Variants in PCMTD2 observed in about 807,000 individuals in gnomAD.
The protein encoded by PCMTD2 is protein-L-isoaspartate (D-aspartate) O-methyltransferase domain containing 2, also known as protein-L-isoaspartate O-methyltransferase domain-containing protein 2.
Under a neutral mutation model 33.4 loss-of-function variants are expected in PCMTD2, and 16 were observed. That is an observed-to-expected ratio of 0.48 (90% CI 0.32 to 0.73). The LOEUF is 0.73. Ranked by LOEUF, PCMTD2 falls within the 30% of genes least tolerant of loss-of-function variation. The pLI, the probability that PCMTD2 is intolerant of heterozygous loss-of-function variation, is 0.03. For synonymous variants in PCMTD2, 161 were observed against 160.8 expected, an observed-to-expected ratio of 1.00 and a Z score of -0.01; for missense variants, 374 against 449.9, an observed-to-expected ratio of 0.83 and a Z score of 1.53.
chr20:64,272,681 G>A (rs531410721), intron 5 of PCMTD2, among the ~76,000 whole-genome samples: 4 of 152,186 alleles, frequency 2.6e-5, no homozygotes, highest in Admixed American at 6.5e-5. Flanking sequence ...TTAGCTGGGC[G>A]TGGTGGCGCA....
At chr20:64,256,878 C>T (rs1433863858) in intron 1 of PCMTD2, 1 of 152,160 alleles carries the variant, frequency 6.6e-6, no homozygotes, top group Non-Finnish European at 1.5e-5. Context: ...TTTGTTAGGC[C>T]CATTAATAGT....
In PCMTD2 at chr20:64,258,586, C is replaced by T. The variant is rs567450121; in HGVS notation, c.-24-1356C>T. Among the ~76,000 whole-genome samples, 14 of 152,322 alleles carry T rather than the reference C, an allele frequency of 9.2e-5. No individual in the cohort carries two copies. The East Asian group carries it at 1.9e-3, about 21-fold the overall frequency. On this transcript the variant is annotated intron_variant, in intron 1 of 5. Coordinates refer to ENST00000308824, the MANE Select transcript of PCMTD2 (RefSeq NM_018257.3). ...TTTCATTCCTGGGAAAACCTCCCAC[C>T]GCTGTCTCCAGTTGTGTACGTGGGT... is the stretch of plus-strand genomic sequence containing the variant.
At chr20:64,263,626 T>C (rs1985525003) in intron 2 of PCMTD2, among the ~76,000 whole-genome samples, 1 of 152,186 alleles carries the variant, frequency 6.6e-6, no homozygotes, top group South Asian at 2.1e-4. Flanking sequence ...TGGTGGACTT[T>C]TACATATGCA....
chr20:64,274,139 A>G lies in PCMTD2; in HGVS notation c.*539A>G, dbSNP rs1986023389. 1 of 152,286 alleles carries G rather than the reference A, an allele frequency of 6.6e-6. No homozygotes were observed. The highest frequency in any genetic ancestry group is 2.4e-5 in the African/African-American group (1 of 41,456). The allele number at this position is 152,286 out of a possible 1,614,324, so 9.4% of individuals were successfully genotyped here. ...GTATCACTGAATTTCTTAGTTTTCTAGTGGGGAAACATTATTGAGAAGCCC... is the reference window on the plus strand; with the variant it reads ...GTATCACTGAATTTCTTAGTTTTCTGGTGGGGAAACATTATTGAGAAGCCC... On this transcript the variant is annotated 3_prime_UTR_variant, in exon 6 of 6. Coordinates refer to ENST00000308824, the MANE Select transcript of PCMTD2 (RefSeq NM_018257.3).
intron 1 of PCMTD2, chr20:64,256,745 A>ACCT (rs766732144): frequency 1.3e-5 from 2 of 152,170 alleles, no homozygotes; most frequent in African/African-American, 2.4e-5. Flanking sequence ...CCCAGCTCGT[A>ACCT]CCTCCAGTGG....
intron 4 of PCMTD2, among the ~76,000 whole-genome samples, chr20:64,266,320 C>T (rs930791043): frequency 8.5e-5 from 13 of 152,104 alleles, no homozygotes; most frequent in Non-Finnish European, 1.9e-4. Context: ...TGCAGTGGCG[C>T]GATCTCAGCT....
rs1458136270 is a variant in PCMTD2, at chr20:64,273,427, C to G, written c.913C>G (p.Pro305Ala). The G allele has an allele frequency of 1.2e-6, 2 of 1,614,022 alleles. No individual in the cohort carries two copies. The highest frequency in any genetic ancestry group is 2.7e-5 in the African/African-American group (2 of 75,014). Residue 305 changes from proline (P) to alanine (A), a missense_variant, in exon 6 of 6, where the codon CCC (proline) becomes GCC (alanine). Pro to Ala is a conservative substitution (Grantham distance 27). Coordinates refer to ENST00000308824, the MANE Select transcript of PCMTD2 (RefSeq NM_018257.3). ...KEVFASRISN[P>A]SDDNSCEDLE... Reference sequence around the variant, plus strand: ...AGTCTTTGCCAGTCGGATTTCCAACCCCTCAGATGACAACAGCTGTGAAGA... The same window carrying G: ...AGTCTTTGCCAGTCGGATTTCCAACGCCTCAGATGACAACAGCTGTGAAGA...
chr20:64,268,723 T>C (rs1985760992), intron 5 of PCMTD2, among the ~76,000 whole-genome samples: 1 of 118,694 alleles, frequency 8.4e-6, no homozygotes, highest in South Asian at 2.9e-4. Context: ...TGCATAGTCT[T>C]ACAAAAAAAA....
intron 4 of PCMTD2, among the ~76,000 whole-genome samples, chr20:64,266,999 C>A (rs536761778): frequency 6.6e-6 from 1 of 152,090 alleles, no homozygotes; most frequent in Non-Finnish European, 1.5e-5. Flanking sequence ...TAGTACGTGG[C>A]GACTTAATCC....
chr20:64,261,878 G>C (rs1200859170), intron 2 of PCMTD2, among the ~76,000 whole-genome samples: 1 of 152,190 alleles, frequency 6.6e-6, no homozygotes, highest in Non-Finnish European at 1.5e-5. Flanking sequence ...TAGAACCTTG[G>C]GGAGAAATAG....
In PCMTD2 at chr20:64,260,126, T is replaced by G. The variant is rs1470386062; in HGVS notation, c.161T>G (p.Leu54Trp). The G allele has an allele frequency of 2.5e-6, 4 of 1,613,956 alleles. No homozygotes were observed. Among genetic ancestry groups the G allele is most frequent in the Non-Finnish European group, 3.4e-6 (4 of 1,179,816 alleles). ...EEFKENAYKD[L>W]AWKHGNIHLS... is the part of the protein sequence containing the mutation. ...TTTAAAGAAAATGCTTATAAAGACT[T>G]GGCATGGAAGCATGGAAACATTCAC... Residue 54 changes from leucine to tryptophan, a missense_variant, in exon 2 of 6, where the codon TTG becomes TGG. By Grantham distance (61) the Leu-to-Trp change is moderately conservative. Transcript: ENST00000308824.
chr20:64,273,633 C>T lies in PCMTD2; in HGVS notation c.*33C>T. ...GTTTGAAAGGGGGAAATAGGAAGAG[C>T]AGATTGCTGAGTGTGAAGTTCGTGC... On this transcript the variant is annotated 3_prime_UTR_variant, in exon 6 of 6. Transcript: ENST00000308824. 3 of 1,507,124 alleles carry T rather than the reference C, an allele frequency of 2.0e-6. No individual in the cohort carries two copies. The highest frequency in any genetic ancestry group is 2.7e-6 in the Non-Finnish European group (3 of 1,130,374). The allele number at this position is 1,507,124 out of a possible 1,614,324, so 93.4% of individuals were successfully genotyped here. A position where few individuals can be genotyped will look rare whatever the true frequency, so the allele number is the denominator to read the frequency against.
chr20:64,273,490 C>A lies in PCMTD2; in HGVS notation c.976C>A (p.Pro326Thr), dbSNP rs1473219435. The change falls in exon 6 of 6, where the codon CCG (proline) becomes ACG (threonine). Residue 326 changes from proline to threonine, a missense_variant. Physicochemically the swap from Pro to Thr is conservative, Grantham distance 38. Transcript: ENST00000308824. ...ACGGAGGGAAGAAGAAGAGAAGACC[C>A]CGCCGGAAACAAAGCCAGACCCCCC... ...EERREEEEKT[P>T]PETKPDPPVN... 5 of 1,609,968 alleles carry A rather than the reference C, an allele frequency of 3.1e-6. No individual in the cohort carries two copies. Among genetic ancestry groups the A allele is most frequent in the South Asian group, 1.1e-5 (1 of 90,388 alleles).
intron 5 of PCMTD2, among the ~76,000 whole-genome samples, chr20:64,270,225 CAT>C (rs1306065872): frequency 9.7e-6 from 1 of 102,944 alleles, no homozygotes; most frequent in Non-Finnish European, 2.0e-5. Flanking sequence ...GGTGCGGGGT[CAT>C]GTGAGTGCAC....
rs1396640169 is a variant in PCMTD2 at position 64,270,279 on chromosome 20, CATGT to C, written c.706+2270_706+2273del. On this transcript the variant is annotated intron_variant, in intron 5 of 5. Transcript: ENST00000308824. ...AGTGTGGGCACGTGTGATGTGGGGT[CATGT>C]GAGTGCGGATGTGCACAGTGTGGGA... Among the ~76,000 whole-genome samples the C allele has an allele frequency of 3.0e-5, 4 of 135,454 alleles. No individual in the cohort carries two copies. The East Asian group carries it at 9.3e-4, about 31-fold the overall frequency. The allele number at this position is 135,454 out of a possible 152,430, so 88.9% of individuals were successfully genotyped here.
At chr20:64,261,003 G>T (rs892135929) in intron 2 of PCMTD2, among the ~76,000 whole-genome samples, 1 of 151,938 alleles carries the variant, frequency 6.6e-6, no homozygotes, top group Admixed American at 6.6e-5. Flanking sequence ...CTACTTTTTT[G>T]TTTTAATACT....
intron 4 of PCMTD2, among the ~76,000 whole-genome samples, chr20:64,266,578 G>A (rs1985669652): frequency 6.6e-6 from 1 of 152,088 alleles, no homozygotes; most frequent in Admixed American, 6.6e-5. Flanking sequence ...TTTTAGTGAT[G>A]GGCTCTCACT....
At chr20:64,264,681 C>G in intron 3 of PCMTD2, 150 bp downstream of exon 3, 1 of 607,750 alleles carries the variant, frequency 1.6e-6, no homozygotes, top group Non-Finnish European at 2.9e-6. Context: ...AGAAAAGATT[C>G]TGTGTTTTGA....
At chr20:64,259,736 T>C in intron 1 of PCMTD2, 2 of 557,504 alleles carry the variant, frequency 3.6e-6, no homozygotes, top group African/African-American at 1.9e-5. Context: ...AGTATTGTTG[T>C]TTACCTTAAT....
Sources: gnomAD v4.1 joint callset for allele counts (sites outside exome capture counted in the v4.1 genomes callset) on GRCh38, gnomAD v4.1.1 for gene constraint, MANE v1.5 for transcripts, NCBI Gene and HGNC (gene_info 2026-07-23, HGNC 2026-07-21) for gene names.